Variants in DOCK1 observed in about 807,000 individuals in gnomAD.
DOCK1 encodes the protein dedicator of cytokinesis protein 1.
DOCK1 carries 138 observed loss-of-function variants against 262.7 expected under a neutral mutation model. The observed-to-expected ratio is 0.53, with a 90% confidence interval of 0.46 to 0.61. DOCK1 has a LOEUF of 0.61. Ranked by LOEUF, DOCK1 falls within the 20% of genes least tolerant of loss-of-function variation. The pLI is 0.00. For missense variants in DOCK1, 1,908 were observed against 2,370.7 expected (o/e 0.80, Z 4.05); for synonymous variants, 866 against 867.4 (o/e 1.00, Z 0.03).
chr10:126,946,193 C>G (rs2035388050), intron 1 of DOCK1, among the ~76,000 whole-genome samples: 2 of 152,128 alleles, frequency 1.3e-5, no homozygotes, highest in African/African-American at 4.8e-5. Context: ...CAGTGTTGTG[C>G]TACTCATTCT....
intron 11 of DOCK1, among the ~76,000 whole-genome samples, chr10:127,009,236 G>T (rs1159526838): frequency 6.6e-6 from 1 of 152,164 alleles, no homozygotes; most frequent in Non-Finnish European, 1.5e-5. Flanking sequence ...ATGCTTTAAA[G>T]CATATAATCA....
chr10:127,211,932 A>T (rs796328788), intron 27 of DOCK1, among the ~76,000 whole-genome samples: 6 of 152,352 alleles, frequency 3.9e-5, no homozygotes, highest in African/African-American at 1.2e-4. Flanking sequence ...GTGCGCCAAT[A>T]TTCCAGAGTT....
chr10:127,345,768 A>C (rs937389442), intron 31 of DOCK1, among the ~76,000 whole-genome samples: 2 of 152,158 alleles, frequency 1.3e-5, no homozygotes, highest in African/African-American at 4.8e-5. Context: ...TCCAGGCTGC[A>C]TCTTCTGGAG....
At chr10:127,068,502 G>T (rs1468473568) in intron 23 of DOCK1, among the ~76,000 whole-genome samples, 1 of 53,336 alleles carries the variant, frequency 1.9e-5, no homozygotes, top group East Asian at 6.0e-4. Flanking sequence ...TTTCATAAAG[G>T]TATCAAGTCC....
chr10:127,249,744 T>A (rs182849516), intron 28 of DOCK1, among the ~76,000 whole-genome samples: 43 of 152,338 alleles, frequency 2.8e-4, no homozygotes, highest in Admixed American at 9.1e-4. Flanking sequence ...ACACAGTCTG[T>A]CATTGACCAA....
chr10:127,000,489 G>T, intron 10 of DOCK1, 182 bp downstream of exon 10: 1 of 859,110 alleles, frequency 1.2e-6, no homozygotes, highest in Non-Finnish European at 1.7e-6. Context: ...CTAGGCTCAG[G>T]ATGCTCTAGT....
intron 23 of DOCK1, among the ~76,000 whole-genome samples, chr10:127,090,377 G>A (rs1379448180): frequency 6.6e-6 from 1 of 152,052 alleles, no homozygotes; most frequent in Non-Finnish European, 1.5e-5. Context: ...GCTGCAGTGT[G>A]AGTGACAGAC....
rs555730223 is a variant in DOCK1, at chr10:127,306,156, G to A, written c.3045-32850G>A. On this transcript the variant is annotated intron_variant, in intron 29 of 51. Coordinates refer to ENST00000623213, the MANE Select transcript of DOCK1 (RefSeq NM_001290223.2). ...CAGCCTCTCAAGTAGCTGGGATTAC[G>A]GGTGCCCAACACCATGCCCAGCTAT... is the stretch of plus-strand genomic sequence containing the variant. Among the ~76,000 whole-genome samples the A allele has an allele frequency of 5.9e-5, 9 of 151,862 alleles. No homozygotes were observed. In the East Asian group the frequency reaches 1.6e-3, roughly 26 times the overall value.
chr10:127,246,183 G>T (rs1250031814), intron 27 of DOCK1, among the ~76,000 whole-genome samples: 4 of 152,182 alleles, frequency 2.6e-5, no homozygotes, highest in African/African-American at 9.7e-5. Flanking sequence ...ATGTGCATCT[G>T]GATGAGGGGT....
intron 23 of DOCK1, among the ~76,000 whole-genome samples, chr10:127,090,307 G>C (rs991403547): frequency 1.3e-5 from 2 of 152,120 alleles, no homozygotes; most frequent in Non-Finnish European, 2.9e-5. Flanking sequence ...GCTCCATCAT[G>C]GTTCCCAGGT....
At chr10:127,221,564 T>G (rs1387669546) in intron 27 of DOCK1, among the ~76,000 whole-genome samples, 1 of 152,186 alleles carries the variant, frequency 6.6e-6, no homozygotes, top group East Asian at 1.9e-4. Context: ...GTGACATCCC[T>G]TCAGTGTCAG....
chr10:126,959,928 G>C (rs2037067274), intron 1 of DOCK1, among the ~76,000 whole-genome samples: 1 of 152,022 alleles, frequency 6.6e-6, no homozygotes, highest in South Asian at 2.1e-4. Context: ...TCCTGCCTCA[G>C]CTTCCAGAAT....
rs1285977203 is a variant in DOCK1, at chr10:127,452,366, G to A, written c.*939G>A. The A allele has an allele frequency of 1.3e-5, 2 of 152,228 alleles. No individual in the cohort carries two copies. The highest frequency in any genetic ancestry group is 2.9e-5 in the Non-Finnish European group (2 of 67,964). The allele number at this position is 152,228 out of a possible 1,614,324, so 9.4% of individuals were successfully genotyped here. ...GAACTCCAAAGTCCTGAAAATTTTG[G>A]TGGACAATGATTTTTAAAAAACTAA... On this transcript the variant is annotated 3_prime_UTR_variant, in exon 52 of 52. Coordinates refer to ENST00000623213, the MANE Select transcript of DOCK1 (RefSeq NM_001290223.2).
At chr10:127,049,142 A>G (rs935004128) in intron 21 of DOCK1, among the ~76,000 whole-genome samples, 1 of 152,242 alleles carries the variant, frequency 6.6e-6, no homozygotes, top group Non-Finnish European at 1.5e-5. Context: ...CTTCAATTGT[A>G]TATATACACA....
chr10:127,434,617 C>A (rs1014701639), intron 48 of DOCK1, among the ~76,000 whole-genome samples: 12 of 151,832 alleles, frequency 7.9e-5, no homozygotes, highest in Non-Finnish European at 1.5e-4. Context: ...ACTTTGCATT[C>A]TTTCCCCCCA....
intron 25 of DOCK1, among the ~76,000 whole-genome samples, chr10:127,120,315 T>C (rs1435878821): frequency 6.6e-6 from 1 of 152,224 alleles, no homozygotes; most frequent in Non-Finnish European, 1.5e-5. Context: ...ACAAGGTCTT[T>C]AACATCGGCT....
At chr10:127,123,654 G>A (rs1309895692) in intron 25 of DOCK1, among the ~76,000 whole-genome samples, 1 of 152,206 alleles carries the variant, frequency 6.6e-6, no homozygotes, top group Non-Finnish European at 1.5e-5. Flanking sequence ...TGTCCCATGT[G>A]TTAGCGTTTC....
At chr10:127,393,351 A>G (rs2066612538) in intron 38 of DOCK1, among the ~76,000 whole-genome samples, 1 of 152,172 alleles carries the variant, frequency 6.6e-6, no homozygotes, top group African/African-American at 2.4e-5. Flanking sequence ...CTCGTGGCCC[A>G]TTTCCATATG....
intron 29 of DOCK1, among the ~76,000 whole-genome samples, chr10:127,309,871 C>G (rs2062001309): frequency 6.6e-6 from 1 of 151,390 alleles, no homozygotes; most frequent in African/African-American, 2.4e-5. Context: ...TAAGGGAATA[C>G]CATGTTCTTT....
Sources: allele counts gnomAD v4.1 joint callset (sites outside exome capture counted in the v4.1 genomes callset), GRCh38; gene constraint gnomAD v4.1.1; transcripts MANE v1.5; gene names NCBI Gene and HGNC (gene_info 2026-07-23, HGNC 2026-07-21).